The following TRPM3 variants were observed in gnomAD, a reference collection of about 807,000 sequenced individuals.
The protein encoded by TRPM3 is transient receptor potential cation channel subfamily M member 3, also known as long transient receptor potential channel 3.
TRPM3 carries 77 observed loss-of-function variants against 181.2 expected under a neutral mutation model. That is an observed-to-expected ratio of 0.42 (90% CI 0.35 to 0.51). TRPM3 has a LOEUF of 0.51. Among genes scored for constraint, TRPM3 ranks in the 20% least tolerant of loss-of-function variants. The pLI is 0.01. For synonymous variants in TRPM3, 745 were observed against 796.4 expected, an observed-to-expected ratio of 0.94 and a Z score of 1.09; for missense variants, 1,759 against 2,196.7, an observed-to-expected ratio of 0.80 and a Z score of 3.98.
chr9:71,359,973 A>G (rs189109006), intron 1 of TRPM3, among the ~76,000 whole-genome samples: 2 of 152,328 alleles, frequency 1.3e-5, no homozygotes, highest in East Asian at 1.9e-4. Flanking sequence ...TCTAGCACCT[A>G]GAAGAGTGGC....
intron 1 of TRPM3, among the ~76,000 whole-genome samples, chr9:71,320,630 T>G (rs2089131673): frequency 6.6e-6 from 1 of 152,156 alleles, no homozygotes. Context: ...GAAGTTCCTC[T>G]CTGCTCAACA....
intron 21 of TRPM3, among the ~76,000 whole-genome samples, chr9:70,597,995 C>A (rs569867500): frequency 1.3e-5 from 2 of 152,228 alleles, no homozygotes; most frequent in Non-Finnish European, 2.9e-5. Context: ...TAAAATGTAA[C>A]CTCTGTGTGC....
chr9:71,444,743 A>G (rs865857914), intron 1 of TRPM3, among the ~76,000 whole-genome samples: 22 of 152,208 alleles, frequency 1.4e-4, no homozygotes, highest in African/African-American at 5.3e-4. Flanking sequence ...AATGAAGTCA[A>G]AACTCTTTGT....
intron 1 of TRPM3, among the ~76,000 whole-genome samples, chr9:71,202,927 C>T (rs1441467299): frequency 6.6e-6 from 1 of 152,166 alleles, no homozygotes; most frequent in Non-Finnish European, 1.5e-5. Context: ...TAAACAGCAA[C>T]ATTGTAAATA....
Position 71,072,553 on chromosome 9 carries a change from C to T in TRPM3, c.177+48625G>A, listed in dbSNP as rs988121373. ...CAGGAAAATGCAGGATAGATGGATT[C>T]AGTTGTGGGTCCAATATCACACAGT... On this transcript the variant is annotated intron_variant, in intron 1 of 25. Coordinates refer to ENST00000677713, the MANE Select transcript of TRPM3 (RefSeq NM_001366145.2). Among the ~76,000 whole-genome samples the T allele has an allele frequency of 8.5e-5, 13 of 152,278 alleles. 1 individual carries two copies. Among genetic ancestry groups the T allele is most frequent in the African/African-American group, 3.1e-4 (13 of 41,566 alleles).
At chr9:70,894,552 C>A (rs2096255302) in intron 1 of TRPM3, among the ~76,000 whole-genome samples, 1 of 152,160 alleles carries the variant, frequency 6.6e-6, no homozygotes, top group Non-Finnish European at 1.5e-5. Context: ...ATGTACCAGG[C>A]ACTGCTTTAG....
intron 1 of TRPM3, among the ~76,000 whole-genome samples, chr9:71,109,694 A>G (rs1278860493): frequency 2.6e-5 from 4 of 152,186 alleles, no homozygotes; most frequent in Admixed American, 6.5e-5. Flanking sequence ...ATATAACTCT[A>G]TAATCTAGTT....
chr9:71,363,621 G>GT (rs1565499760), intron 1 of TRPM3, among the ~76,000 whole-genome samples: 1 of 152,120 alleles, frequency 6.6e-6, no homozygotes, highest in East Asian at 1.9e-4. Flanking sequence ...CCCAGAAAAC[G>GT]TAAAAATGTG....
At chr9:71,312,923 G>T (rs2088112894) in intron 1 of TRPM3, among the ~76,000 whole-genome samples, 1 of 152,088 alleles carries the variant, frequency 6.6e-6, no homozygotes, top group Non-Finnish European at 1.5e-5. Flanking sequence ...AGAGCACGAA[G>T]GATTTTTTGG....
intron 1 of TRPM3, among the ~76,000 whole-genome samples, chr9:71,209,408 G>GAGAA: frequency 2.8e-3 from 1 of 356 alleles, no homozygotes. Flanking sequence ...AGGAGGGAGG[G>GAGAA]AGAGAGAGAG....
chr9:71,312,059 T>C (rs2088001413), intron 1 of TRPM3, among the ~76,000 whole-genome samples: 1 of 152,118 alleles, frequency 6.6e-6, no homozygotes, highest in Non-Finnish European at 1.5e-5. Flanking sequence ...ACAGAAGTAA[T>C]CTATAGGCTG....
chr9:70,827,536 G>A (rs2011853), intron 6 of TRPM3: 55,686 of 197,906 alleles, frequency 0.28, 8,671 homozygotes, highest in Non-Finnish European at 0.33. Flanking sequence ...TTTTCTCCTT[G>A]GAGTACCATG....
intron 8 of TRPM3, among the ~76,000 whole-genome samples, chr9:70,754,261 T>C (rs928507685): frequency 5.9e-5 from 9 of 152,156 alleles, no homozygotes; most frequent in Admixed American, 5.9e-4. Context: ...GGTCTTGATA[T>C]TCTTTATGAC....
chr9:71,419,094 T>C (rs939028383), intron 1 of TRPM3, among the ~76,000 whole-genome samples: 4 of 151,372 alleles, frequency 2.6e-5, no homozygotes, highest in African/African-American at 9.7e-5. Context: ...ATCAAAAAAA[T>C]GTAAAATATT....
chr9:70,866,546 A>T (rs1209519044), intron 1 of TRPM3, among the ~76,000 whole-genome samples: 1 of 152,076 alleles, frequency 6.6e-6, no homozygotes, highest in Non-Finnish European at 1.5e-5. Context: ...TGGGGGTACT[A>T]TGCTTTGCTC....
chr9:70,631,588 G>C (rs2065874538), intron 12 of TRPM3, among the ~76,000 whole-genome samples: 4 of 152,090 alleles, frequency 2.6e-5, no homozygotes, highest in African/African-American at 9.7e-5. Context: ...CTACTAAAAT[G>C]GCAGGTTATA....
chr9:70,700,610 C>T (rs894959135), intron 8 of TRPM3, among the ~76,000 whole-genome samples: 8 of 152,144 alleles, frequency 5.3e-5, no homozygotes, highest in South Asian at 4.1e-4. Context: ...AGAAAAGAAA[C>T]GGATTTGGCA....
At position 70,876,304 on chromosome 9, in the gene TRPM3, CATAT is replaced by C. The variant is rs1242715316; in HGVS notation, c.178-11797_178-11794del. Reference sequence around the variant, plus strand: ...ACACACACACATATATAGACATATACATATATAGACATATATATATATAAACTTT... The same window carrying C: ...ACACACACACATATATAGACATATACATAGACATATATATATATAAACTTT... On this transcript the variant is annotated intron_variant, in intron 1 of 25. Transcript: ENST00000677713. Among the ~76,000 whole-genome samples, 5 of 132,758 alleles carry C rather than the reference CATAT, an allele frequency of 3.8e-5. No individual in the cohort carries two copies. The East Asian group carries it at 7.2e-4, about 19-fold the overall frequency. The allele number at this position is 132,758 out of a possible 152,430, so 87.1% of individuals were successfully genotyped here.
chr9:71,038,725 T>C (rs2058491470), intron 1 of TRPM3, among the ~76,000 whole-genome samples: 1 of 152,144 alleles, frequency 6.6e-6, no homozygotes, highest in East Asian at 1.9e-4. Flanking sequence ...TACAGTCCAA[T>C]AGGGCACATG....
Sources: allele counts gnomAD v4.1 joint callset (sites outside exome capture counted in the v4.1 genomes callset), GRCh38; gene constraint gnomAD v4.1.1; transcripts MANE v1.5; gene names NCBI Gene and HGNC (gene_info 2026-07-23, HGNC 2026-07-21).